RSRP1: variants seen among roughly 807,000 people sequenced by gnomAD.
The protein encoded by RSRP1 is arginine and serine rich protein 1.
RSRP1 carries 37 observed loss-of-function variants against 33.0 expected under a neutral mutation model. The ratio of observed to expected loss-of-function variants is 1.12; its 90% CI spans 0.86 to 1.48. The LOEUF (loss-of-function observed/expected upper bound fraction) is 1.48, where lower values mean the gene tolerates loss of function less well. RSRP1 is among the 40% of genes most tolerant of loss of function. The pLI is 0.00. For synonymous variants in RSRP1, 167 were observed against 158.7 expected (o/e 1.05, Z -0.40); for missense variants, 402 against 385.3 (o/e 1.04, Z -0.36).
chr1:25,278,868 G>T (rs573899813), intron 1 of RSRP1, among the ~76,000 whole-genome samples: 1 of 128,608 alleles, frequency 7.8e-6, no homozygotes, highest in East Asian at 2.0e-4. Flanking sequence ...GAGAGTCGCC[G>T]GTAGAGTAGA....
At chr1:25,248,194 T>A (rs1227163915), upstream of RSRP1, 1 of 152,108 alleles carries the variant, frequency 6.6e-6, no homozygotes, top group Non-Finnish European at 1.5e-5. Context: ...CTGGGGATAA[T>A]AATGAAGTCT....
chr1:25,292,167 T>C lies in RSRP1; in HGVS notation c.-66-45138A>G, dbSNP rs112085638. ...TGAATTAATCACATGAGATGATGCATGTTTACAAAAAAAAGCATGAAGCCC... is the reference window on the plus strand; with the variant it reads ...TGAATTAATCACATGAGATGATGCACGTTTACAAAAAAAAGCATGAAGCCC... On this transcript the variant is annotated intron_variant, in intron 1 of 1. Transcript: ENST00000561867. 1.8e-4 allele frequency among the ~76,000 whole-genome samples: 24 copies of C among 132,486 alleles called. 1 individual carries two copies. In the East Asian group the frequency reaches 3.5e-3, roughly 19 times the overall value. 86.9% of individuals were successfully genotyped at this position (132,486 alleles called of 152,430 possible).
At position 25,301,579 on chromosome 1, in the gene RSRP1, A is replaced by G. The variant is rs1643390010; in HGVS notation, c.-67+36399T>C. 4.3e-6 allele frequency: 6 copies of G among 1,379,692 alleles called. 1 individual carries two copies. Among genetic ancestry groups the G allele is most frequent in the Non-Finnish European group, 5.1e-6 (5 of 979,288 alleles). 85.5% of individuals were successfully genotyped at this position (1,379,692 alleles called of 1,614,324 possible). On this transcript the variant is annotated intron_variant, in intron 1 of 1. Coordinates refer to the RSRP1 transcript ENST00000561867. ...CAACTCTGCTCTGCTGAGAAGTCCA[A>G]TCGAAAGGAAGAATGCCGTGTTCAA...
In RSRP1 at chr1:25,331,763, G is replaced by A. The variant is rs1355315299; in HGVS notation, c.-67+6215C>T. On this transcript the variant is annotated intron_variant, in intron 1 of 1. Coordinates refer to the RSRP1 transcript ENST00000561867. ...TTTTTTTTTTTTTTTTTTTTGAGAC[G>A]GAGTCTCGCTCTGTTACCCAGGCTG... 2.8e-4 allele frequency among the ~76,000 whole-genome samples: 24 copies of A among 84,624 alleles called. 1 individual carries two copies. The highest frequency in any genetic ancestry group is 3.7e-4 in the Non-Finnish European group (14 of 37,772). The allele number at this position is 84,624 out of a possible 152,430, so 55.5% of individuals were successfully genotyped here.
At chr1:25,280,465 C>T (rs1641385142) in intron 1 of RSRP1, among the ~76,000 whole-genome samples, 1 of 129,330 alleles carries the variant, frequency 7.7e-6, no homozygotes, top group Admixed American at 7.5e-5. Flanking sequence ...GCCACCATGC[C>T]AGGCTAATTT....
chr1:25,289,214 T>TGG lies in RSRP1; in HGVS notation c.-66-42186_-66-42185insCC, dbSNP rs1205461324. On this transcript the variant is annotated intron_variant, in intron 1 of 1. Transcript: ENST00000561867. ...AGAGTGAATTTTTTTTGTGTGTGTG[T>TGG]GAGGCAGTCTTACTCTGTTGCCCAG... 2.3e-5 allele frequency among the ~76,000 whole-genome samples: 3 copies of TGG among 132,368 alleles called. 1 individual carries two copies. The highest frequency in any genetic ancestry group is 5.4e-5 in the Non-Finnish European group (3 of 55,756). The allele number at this position is 132,368 out of a possible 152,430, so 86.8% of individuals were successfully genotyped here.
chr1:25,259,909 T>C (rs930173631), intron 1 of RSRP1, among the ~76,000 whole-genome samples: 1 of 152,026 alleles, frequency 6.6e-6, no homozygotes, highest in Non-Finnish European at 1.5e-5. Context: ...GGGGAGAACC[T>C]GGTTGCAGGA....
At chr1:25,336,704 C>G (rs1301231587) in intron 1 of RSRP1, among the ~76,000 whole-genome samples, 1 of 150,894 alleles carries the variant, frequency 6.6e-6, no homozygotes, top group Non-Finnish European at 1.5e-5. Flanking sequence ...CTGCTCAGAG[C>G]TGGTAAACTA....
At chr1:25,263,182 A>G (rs1296143947) in intron 1 of RSRP1, among the ~76,000 whole-genome samples, 2 of 152,048 alleles carry the variant, frequency 1.3e-5, no homozygotes, top group Non-Finnish European at 2.9e-5. Context: ...CAGGGTCAGC[A>G]AAGAAGCCAT....
chr1:25,262,384 A>C lies in RSRP1; in HGVS notation c.-66-15355T>G, dbSNP rs1640185073. Among the ~76,000 whole-genome samples the C allele has an allele frequency of 2.6e-5, 4 of 152,234 alleles. No individual in the cohort carries two copies. In the South Asian group the frequency reaches 8.3e-4, roughly 31 times the overall value. ...CTCATGAAACTTGTATTCTAATGGA[A>C]GAAACAGAAAACAAACAGATATAGG... On this transcript the variant is annotated intron_variant, in intron 1 of 1. Coordinates refer to the RSRP1 transcript ENST00000561867.
Position 25,270,702 on chromosome 1 carries a change from T to C in RSRP1, c.-66-23673A>G, listed in dbSNP as rs1269903090. On this transcript the variant is annotated intron_variant, in intron 1 of 1. Coordinates refer to the RSRP1 transcript ENST00000561867. The stretch of plus-strand genomic sequence containing the variant: ...AGGCTGCCTGGGTTTAAATCCCAGC[T>C]CTACTGCTTACTAGCCCTGTGACCT... Among the ~76,000 whole-genome samples, 2 of 132,460 alleles carry C rather than the reference T, an allele frequency of 1.5e-5. 1 individual carries two copies. Among genetic ancestry groups the C allele is most frequent in the Non-Finnish European group, 3.6e-5 (2 of 55,852 alleles). 86.9% of individuals were successfully genotyped at this position (132,460 alleles called of 152,430 possible).
chr1:25,324,566 G>A (rs972658887), intron 1 of RSRP1, among the ~76,000 whole-genome samples: 1 of 152,116 alleles, frequency 6.6e-6, no homozygotes, highest in Non-Finnish European at 1.5e-5. Context: ...AATAATGTCT[G>A]TAACAACATT....
At position 25,286,467 on chromosome 1, in the gene RSRP1, C is replaced by G. The variant is rs1025967071; in HGVS notation, c.-66-39438G>C. ...TCGTGCCACTTCACTCCAGCCTGGA[C>G]AACAGAGTGAGACCCTGTCTCAAAA... On this transcript the variant is annotated intron_variant, in intron 1 of 1. Coordinates refer to the RSRP1 transcript ENST00000561867. Among the ~76,000 whole-genome samples the G allele has an allele frequency of 4.5e-5, 6 of 134,394 alleles. 1 individual carries two copies. The highest frequency in any genetic ancestry group is 1.5e-4 in the African/African-American group (6 of 38,782). The allele number at this position is 134,394 out of a possible 152,430, so 88.2% of individuals were successfully genotyped here. A position where few individuals can be genotyped will look rare whatever the true frequency, so the allele number is the denominator to read the frequency against.
chr1:25,287,438 G>T (rs1156708466), intron 1 of RSRP1, among the ~76,000 whole-genome samples: 1 of 135,224 alleles, frequency 7.4e-6, no homozygotes, highest in Non-Finnish European at 1.8e-5. Context: ...TCCCCCTAGG[G>T]GTGACCCCTG....
At chr1:25,243,246 G>A (rs1365393720) in intron 4 of RSRP1, among the ~76,000 whole-genome samples, 1 of 152,120 alleles carries the variant, frequency 6.6e-6, no homozygotes, top group African/African-American at 2.4e-5. Context: ...CTTCGTTTTT[G>A]AAACTCTTAT....
chr1:25,290,267 G>A lies in RSRP1; in HGVS notation c.-66-43238C>T, dbSNP rs1233417577. Among the ~76,000 whole-genome samples the A allele has an allele frequency of 5.5e-5, 7 of 126,240 alleles. 1 individual carries two copies. The highest frequency in any genetic ancestry group is 1.9e-4 in the African/African-American group (7 of 36,550). The allele number at this position is 126,240 out of a possible 152,430, so 82.8% of individuals were successfully genotyped here. The stretch of plus-strand genomic sequence containing the variant: ...CCCTCTGTTGAGCATCCGAATGATG[G>A]CAGCAGAAAAGAAGACTGGGCAGAA... On this transcript the variant is annotated intron_variant, in intron 1 of 1. Transcript: ENST00000561867.
At chr1:25,246,384 G>GC (rs1394674960) in intron 2 of RSRP1, 60 bp downstream of exon 2, 61 of 1,574,110 alleles carry the variant, frequency 3.9e-5, no homozygotes, top group Admixed American at 7.0e-5. Flanking sequence ...TGGTTCCCTA[G>GC]CCTACTCATA....
chr1:25,336,631 G>C lies in RSRP1; in HGVS notation c.-67+1347C>G, dbSNP rs993642342. Among the ~76,000 whole-genome samples, 14 of 149,928 alleles carry C rather than the reference G, an allele frequency of 9.3e-5. No individual in the cohort carries two copies. In the South Asian group the frequency reaches 1.7e-3, roughly 18 times the overall value. ...AGGGTAGGGGCAAAAAACGCAAAGA[G>C]AAAGGAGTTAGTATCTTTTCTCCCG... On this transcript the variant is annotated intron_variant, in intron 1 of 1. Coordinates refer to the RSRP1 transcript ENST00000561867.
chr1:25,319,116 G>A (rs1644564377), intron 1 of RSRP1, among the ~76,000 whole-genome samples: 1 of 132,452 alleles, frequency 7.5e-6, no homozygotes, highest in South Asian at 2.3e-4. Context: ...TGGCAACCCT[G>A]TCCTGGGACT....
Sources: allele counts gnomAD v4.1 joint callset (sites outside exome capture counted in the v4.1 genomes callset), GRCh38; gene constraint gnomAD v4.1.1; transcripts MANE v1.5; gene names NCBI Gene and HGNC (gene_info 2026-07-23, HGNC 2026-07-21).